GRID1: variants seen among roughly 807,000 people sequenced by gnomAD.
GRID1 encodes the protein glutamate ionotropic receptor delta type subunit 1.
In GRID1, 28 loss-of-function variants were observed where a neutral mutation model predicts 98.0. That is an observed-to-expected ratio of 0.29 (90% confidence interval 0.21 to 0.39). The LOEUF (loss-of-function observed/expected upper bound fraction) is 0.39, where lower values mean the gene tolerates loss of function less well. Among genes scored for constraint, GRID1 ranks in the 10% least tolerant of loss-of-function variants. The pLI is 1.00. For missense variants in GRID1, 1,111 were observed against 1,340.5 expected (o/e 0.83, Z 2.67); for synonymous variants, 553 against 538.5 (o/e 1.03, Z -0.37).
chr10:85,877,624 T>A (rs533618461), intron 5 of GRID1, among the ~76,000 whole-genome samples: 60 of 152,174 alleles, frequency 3.9e-4, no homozygotes, highest in African/African-American at 1.3e-3. Context: ...CATCTGTACG[T>A]CACCATCATC....
chr10:85,848,580 G>T (rs1590263323), intron 8 of GRID1, among the ~76,000 whole-genome samples: 1 of 152,160 alleles, frequency 6.6e-6, no homozygotes, highest in Non-Finnish European at 1.5e-5. Flanking sequence ...TACATATCAT[G>T]ATCTCTATGT....
At chr10:85,674,245 C>G (rs1283396233) in intron 12 of GRID1, among the ~76,000 whole-genome samples, 1 of 152,134 alleles carries the variant, frequency 6.6e-6, no homozygotes, top group African/African-American at 2.4e-5. Flanking sequence ...CTCATATGTT[C>G]TCCCCCTGTG....
intron 12 of GRID1, among the ~76,000 whole-genome samples, chr10:85,712,220 T>C (rs989268913): frequency 2.0e-5 from 3 of 151,766 alleles, no homozygotes; most frequent in African/African-American, 7.2e-5. Context: ...GAGATTAGCA[T>C]AATGATTTAA....
Position 86,366,305 on chromosome 10 carries a change from C to A in GRID1, c.79+9G>T, listed in dbSNP as rs781500325. ...GCCCAGCCTCGGCCCGGCCTCCAGC[C>A]GCGCTTACCGATGTGGATGATGGAG... On this transcript the variant is annotated intron_variant, in intron 1 of 15. Coordinates refer to ENST00000327946, the MANE Select transcript of GRID1 (RefSeq NM_017551.3). The surrounding 1 kb of genome is among the most constrained non-coding windows in gnomAD (Gnocchi z 4.1). 1.3e-6 allele frequency: 2 copies of A among 1,488,298 alleles called. No homozygotes were observed. The highest frequency in any genetic ancestry group is 1.5e-5 in the African/African-American group (1 of 68,278). The allele number at this position is 1,488,298 out of a possible 1,614,324, so 92.2% of individuals were successfully genotyped here.
At chr10:85,683,746 A>G (rs1841237054) in intron 12 of GRID1, among the ~76,000 whole-genome samples, 2 of 152,348 alleles carry the variant, frequency 1.3e-5, no homozygotes, top group African/African-American at 4.8e-5. Context: ...ACCTTTCTAC[A>G]TTGAAAACTT....
intron 4 of GRID1, among the ~76,000 whole-genome samples, chr10:85,932,425 T>G (rs146253547): frequency 1.6e-3 from 249 of 152,278 alleles, no homozygotes; most frequent in African/African-American, 5.7e-3. Flanking sequence ...TATGTTACCC[T>G]GGCTGGTCTC....
chr10:85,745,618 T>A (rs1841988711), intron 8 of GRID1, among the ~76,000 whole-genome samples: 1 of 133,418 alleles, frequency 7.5e-6, no homozygotes, highest in Non-Finnish European at 1.6e-5. Flanking sequence ...ATATACCTAA[T>A]GCTAGATGAC....
At chr10:85,792,696 G>C (rs566789266) in intron 8 of GRID1, among the ~76,000 whole-genome samples, 1 of 152,248 alleles carries the variant, frequency 6.6e-6, no homozygotes, top group East Asian at 1.9e-4. Context: ...GGCCACTCCA[G>C]ACCTCTCAGG....
At chr10:86,064,976 A>G (rs1254831764) in intron 4 of GRID1, among the ~76,000 whole-genome samples, 1 of 152,262 alleles carries the variant, frequency 6.6e-6, no homozygotes, top group Non-Finnish European at 1.5e-5. Flanking sequence ...TTCCAGACTG[A>G]GCAGAAAATC....
intron 7 of GRID1, 88 bp from the exon 8 acceptor site, chr10:85,854,703 C>T (rs1843092442): frequency 7.3e-7 from 1 of 1,368,604 alleles, no homozygotes; most frequent in Non-Finnish European, 1.0e-6. Context: ...GAAGTGGTCA[C>T]CAAGAACGGA....
chr10:86,311,603 A>G (rs993837322), intron 2 of GRID1, among the ~76,000 whole-genome samples: 8 of 84 alleles, frequency 0.095, no homozygotes, highest in African/African-American at 0.3. Flanking sequence ...CCAGAGTGGA[A>G]AAAAAAAAAT....
chr10:86,005,859 A>C (rs1265466059), intron 4 of GRID1, among the ~76,000 whole-genome samples: 1 of 152,240 alleles, frequency 6.6e-6, no homozygotes, highest in Non-Finnish European at 1.5e-5. Context: ...AAACACTTAA[A>C]TAAATGAAGA....
At chr10:85,681,427 T>C (rs1437376002) in intron 12 of GRID1, among the ~76,000 whole-genome samples, 1 of 152,190 alleles carries the variant, frequency 6.6e-6, no homozygotes, top group East Asian at 1.9e-4. Flanking sequence ...AGAAATAGGT[T>C]TGGAAAAGTT....
intron 4 of GRID1, among the ~76,000 whole-genome samples, chr10:85,938,686 T>A (rs192022985): frequency 6.6e-6 from 1 of 152,290 alleles, no homozygotes; most frequent in Admixed American, 6.5e-5. Flanking sequence ...AACAGTATTC[T>A]GGGGGCCAAT....
chr10:85,784,239 G>T (rs905677469), intron 8 of GRID1, among the ~76,000 whole-genome samples: 7 of 152,172 alleles, frequency 4.6e-5, no homozygotes, highest in African/African-American at 1.7e-4. Context: ...GTAAATTAAA[G>T]AACTTTTACT....
intron 4 of GRID1, among the ~76,000 whole-genome samples, chr10:86,020,250 A>G (rs1241715986): frequency 6.6e-6 from 1 of 152,244 alleles, no homozygotes; most frequent in African/African-American, 2.4e-5. Flanking sequence ...GGACCTTCAC[A>G]CATTTGCAAA....
At chr10:85,880,722 A>G (rs1256939301) in intron 5 of GRID1, among the ~76,000 whole-genome samples, 1 of 152,148 alleles carries the variant, frequency 6.6e-6, no homozygotes, top group Non-Finnish European at 1.5e-5. Flanking sequence ...CAAGACAGGG[A>G]TGCCCCCTCT....
intron 5 of GRID1, among the ~76,000 whole-genome samples, chr10:85,905,076 C>T (rs1237019335): frequency 1.3e-5 from 2 of 151,686 alleles, no homozygotes; most frequent in African/African-American, 4.8e-5. Flanking sequence ...TGCCAAGGTA[C>T]ATGATAATCA....
At chr10:86,102,185 A>C (rs764918684) in intron 4 of GRID1, among the ~76,000 whole-genome samples, 1 of 152,244 alleles carries the variant, frequency 6.6e-6, no homozygotes, top group Non-Finnish European at 1.5e-5. Flanking sequence ...ATGATCAGCT[A>C]GAATTTTAAC....
Sources: gnomAD v4.1 joint callset for allele counts (sites outside exome capture counted in the v4.1 genomes callset) on GRCh38, gnomAD v4.1.1 for gene constraint, Gnocchi (gnomAD v3.1) non-coding constraint, MANE v1.5 for transcripts, NCBI Gene and HGNC (gene_info 2026-07-23, HGNC 2026-07-21) for gene names.